The following COP1 variants were observed in gnomAD, a reference collection of about 807,000 sequenced individuals.
COP1 encodes COP1 E3 ubiquitin ligase.
Under a neutral mutation model 101.3 loss-of-function variants are expected in COP1, and 24 were observed. That is an observed-to-expected ratio of 0.24 (90% CI 0.17 to 0.33). COP1 has a LOEUF of 0.33. Ranked by LOEUF, COP1 falls within the 10% of genes least tolerant of loss-of-function variation. The pLI is 1.00. For missense variants in COP1, 663 were observed against 906.2 expected (o/e 0.73, Z 3.45); for synonymous variants, 347 against 341.9 (o/e 1.01, Z -0.17).
chr1:176,081,035 A>C, intron 11 of COP1, 117 bp downstream of exon 11: 1 of 889,806 alleles, frequency 1.1e-6, no homozygotes, highest in Admixed American at 2.7e-5. Context: ...CAGAACTAAT[A>C]ATTGGCAGGC....
chr1:176,196,059 T>C (rs61822662), intron 1 of COP1, among the ~76,000 whole-genome samples: 16,566 of 152,060 alleles, frequency 0.11, 994 homozygotes, highest in Middle Eastern at 0.16. Context: ...AAATAAGAAA[T>C]CACAAGGGAA....
intron 5 of COP1, 27 bp downstream of exon 5, chr1:176,162,842 T>G: frequency 6.5e-7 from 1 of 1,545,168 alleles, no homozygotes; most frequent in South Asian, 1.3e-5. Flanking sequence ...TCATTTAAAA[T>G]TTTTTTTAAG....
chr1:176,069,509 G>T (rs1676600552), intron 11 of COP1, among the ~76,000 whole-genome samples: 1 of 152,078 alleles, frequency 6.6e-6, no homozygotes, highest in Admixed American at 6.6e-5. Context: ...GTATTCCTCA[G>T]GTATATCAGG....
At chr1:175,985,148 G>C (rs1015756316) in intron 18 of COP1, among the ~76,000 whole-genome samples, 17 of 152,116 alleles carry the variant, frequency 1.1e-4, no homozygotes, top group African/African-American at 4.1e-4. Flanking sequence ...ATAGTTTCCA[G>C]TTCTCAGTTA....
At chr1:176,041,346 T>TTTTC (rs1553234220) in intron 14 of COP1, among the ~76,000 whole-genome samples, 1 of 145,632 alleles carries the variant, frequency 6.9e-6, no homozygotes, top group Non-Finnish European at 1.5e-5. Flanking sequence ...ATTTTTTTTC[T>TTTTC]TTTTTTCTTT....
At chr1:176,015,364 G>A (rs1452324573) in intron 15 of COP1, among the ~76,000 whole-genome samples, 1 of 152,052 alleles carries the variant, frequency 6.6e-6, no homozygotes, top group Non-Finnish European at 1.5e-5. Context: ...CCGAATCGTT[G>A]CAGTTTGCAG....
chr1:176,150,806 A>C lies in COP1; in HGVS notation c.763-1732T>G, dbSNP rs534785151. ...GAAGGAGAAAGTCCCCAAAATGTCA[A>C]TGTAAAAGGAAAGTGGGTCCAACTA... On this transcript the variant is annotated intron_variant, in intron 5 of 19. Transcript: ENST00000367669. Among the ~76,000 whole-genome samples the C allele has an allele frequency of 2.0e-5, 3 of 152,310 alleles. No individual in the cohort carries two copies. In the South Asian group the frequency reaches 6.2e-4, roughly 32 times the overall value.
chr1:176,070,867 G>A (rs1676878064), intron 11 of COP1, among the ~76,000 whole-genome samples: 1 of 152,000 alleles, frequency 6.6e-6, no homozygotes, highest in African/African-American at 2.4e-5. Context: ...TTCCCAGGCT[G>A]GTTTTGAACT....
At chr1:176,179,405 C>G (rs1167034109) in intron 2 of COP1, among the ~76,000 whole-genome samples, 1 of 152,040 alleles carries the variant, frequency 6.6e-6, no homozygotes, top group Non-Finnish European at 1.5e-5. Context: ...AGAAAATGTG[C>G]ATATGACAAG....
rs1276388721 is a variant in COP1, at chr1:176,152,468, G to C, written c.763-3394C>G. ...TACTTAGATTTTTTTTTTTTCTTGA[G>C]ACAGAGCCTCACTCTGTTTCCCAGG... On this transcript the variant is annotated intron_variant, in intron 5 of 19. Transcript: ENST00000367669. 4.0e-5 allele frequency among the ~76,000 whole-genome samples: 6 copies of C among 150,050 alleles called. No homozygotes were observed. In the East Asian group the frequency reaches 1.2e-3, roughly 29 times the overall value.
At chr1:176,147,642 C>T (rs890588289) in intron 6 of COP1, among the ~76,000 whole-genome samples, 14 of 152,022 alleles carry the variant, frequency 9.2e-5, no homozygotes, top group East Asian at 1.9e-4. Flanking sequence ...CAAAATCAAG[C>T]GAAAAAGTTC....
chr1:176,114,025 T>G (rs1685751048), intron 9 of COP1, among the ~76,000 whole-genome samples: 1 of 151,968 alleles, frequency 6.6e-6, no homozygotes, highest in African/African-American at 2.4e-5. Flanking sequence ...GATCTTGCTT[T>G]TTGTTTCGCT....
intron 11 of COP1, among the ~76,000 whole-genome samples, chr1:176,049,327 A>C (rs1672127246): frequency 6.6e-6 from 1 of 151,914 alleles, no homozygotes; most frequent in African/African-American, 2.4e-5. Flanking sequence ...CTTAACTCTC[A>C]TATTAAAAAG....
chr1:176,056,590 CA>C (rs1433584936), intron 11 of COP1, among the ~76,000 whole-genome samples: 1 of 152,126 alleles, frequency 6.6e-6, no homozygotes, highest in East Asian at 1.9e-4. Context: ...TCAACTTTCA[CA>C]GTTTGAAGTT....
At chr1:176,074,800 A>T (rs1677681231) in intron 11 of COP1, among the ~76,000 whole-genome samples, 4 of 152,110 alleles carry the variant, frequency 2.6e-5, no homozygotes, top group Admixed American at 2.0e-4. Context: ...TGAAAAAAAA[A>T]AAAAAAGATT....
chr1:176,006,425 T>C (rs1173218789), intron 15 of COP1, among the ~76,000 whole-genome samples: 3 of 152,212 alleles, frequency 2.0e-5, no homozygotes, highest in Non-Finnish European at 4.4e-5. Context: ...CGTTAGTTGA[T>C]GCAGTTTCTT....
At chr1:176,125,791 A>G (rs566925139) in intron 8 of COP1, among the ~76,000 whole-genome samples, 5 of 152,062 alleles carry the variant, frequency 3.3e-5, no homozygotes, top group African/African-American at 1.2e-4. Context: ...TAGTGATTGC[A>G]ATGTATCTGT....
In COP1 at chr1:176,188,325, G is replaced by C. The variant is rs540695868; in HGVS notation, c.408-3633C>G. 2.0e-5 allele frequency among the ~76,000 whole-genome samples: 3 copies of C among 152,178 alleles called. No individual in the cohort carries two copies. In the South Asian group the frequency reaches 6.2e-4, roughly 32 times the overall value. On this transcript the variant is annotated intron_variant, in intron 1 of 19. Transcript: ENST00000367669. ...CAATTACTCCCCTTCCCAAGAAAGG[G>C]ATGAAAAATCTCAGAAACTACAGAA...
At chr1:175,947,086 C>T in intron 19 of COP1, 109 bp downstream of exon 19, 1 of 772,150 alleles carries the variant, frequency 1.3e-6, no homozygotes, top group Non-Finnish European at 2.3e-6. Context: ...GACACAGACC[C>T]ATGATTTGGG....
Sources: allele counts gnomAD v4.1 joint callset (sites outside exome capture counted in the v4.1 genomes callset), GRCh38; gene constraint gnomAD v4.1.1; transcripts MANE v1.5; gene names NCBI Gene and HGNC (gene_info 2026-07-23, HGNC 2026-07-21).